Variants in GARS1 observed in about 807,000 individuals in gnomAD.
The protein encoded by GARS1 is glycine--tRNA ligase.
GARS1 carries 46 observed loss-of-function variants against 86.4 expected under a neutral mutation model. The ratio of observed to expected loss-of-function variants is 0.53; its 90% confidence interval spans 0.42 to 0.68. The LOEUF (loss-of-function observed/expected upper bound fraction) is 0.68, where lower values mean the gene tolerates loss of function less well. GARS1 is among the 30% of genes least tolerant of loss of function. The probability of loss-of-function intolerance (pLI) is 0.00; values close to 1 mark genes in which losing one functional copy is unlikely to be tolerated. For synonymous variants in GARS1, 342 were observed against 329.8 expected (o/e 1.04, Z -0.40); for missense variants, 797 against 915.6 (o/e 0.87, Z 1.67).
chr7:30,628,752 C>T, intron 14 of GARS1, 83 bp downstream of exon 14: 1 of 838,570 alleles, frequency 1.2e-6, no homozygotes, highest in Non-Finnish European at 2.0e-6. Context: ...ATTAATAAGA[C>T]TCTAGAATGG....
chr7:30,594,938 C>A lies in GARS1; in HGVS notation c.17C>A (p.Pro6Gln). 6.3e-7 allele frequency: 1 copy of A among 1,594,482 alleles called. No individual in the cohort carries two copies. Among genetic ancestry groups the A allele is most frequent in the Non-Finnish European group, 8.5e-7 (1 of 1,177,510 alleles). The change falls in exon 1 of 17, where the codon CCA (proline) becomes CAA (glutamine). Residue 6 changes from proline (P) to glutamine (Q), a missense_variant. By Grantham distance (76) the Pro-to-Gln change is moderately conservative. Coordinates refer to ENST00000389266, the MANE Select transcript of GARS1 (RefSeq NM_002047.4). ...CGCAGGCTCATGCCCTCTCCGCGTC[C>A]AGTGCTGCTTAGAGGTGCTCGCGCC... MPSPR[P>Q]VLLRGARAAL...
In GARS1 at chr7:30,609,523, A is replaced by G. The variant is rs947113285; in HGVS notation, c.736-62A>G. On this transcript the variant is annotated intron_variant, in intron 6 of 16. Coordinates refer to ENST00000389266, the MANE Select transcript of GARS1 (RefSeq NM_002047.4). ...GTGGATGGCTAGGGTTATATATAAT[A>G]CTTTATATCTTATGCCTTGTTTTCT... 1.3e-5 allele frequency: 18 copies of G among 1,404,338 alleles called. No homozygotes were observed. The African/African-American group carries it at 2.4e-4, about 19-fold the overall frequency. 87.0% of individuals were successfully genotyped at this position (1,404,338 alleles called of 1,614,324 possible).
At chr7:30,599,851 A>T in intron 2 of GARS1, 96 bp from the exon 3 acceptor site, 1 of 796,334 alleles carries the variant, frequency 1.3e-6, no homozygotes, top group Non-Finnish European at 2.1e-6. Flanking sequence ...TAAATTTTAT[A>T]TTTAATTCTG....
intron 8 of GARS1, among the ~76,000 whole-genome samples, chr7:30,613,015 C>T (rs1782801482): frequency 6.6e-6 from 1 of 152,030 alleles, no homozygotes; most frequent in Admixed American, 6.6e-5. Context: ...TTTCTAAGGC[C>T]CCAAAGTGTT....
At chr7:30,595,291 C>A in intron 1 of GARS1, 148 bp downstream of exon 1, 1 of 813,762 alleles carries the variant, frequency 1.2e-6, no homozygotes, top group Non-Finnish European at 2.0e-6. Context: ...TTCGCCTCCC[C>A]CACTTTGGTC....
In GARS1 at chr7:30,616,077, CTT is replaced by C; in HGVS notation, c.1194+20_1194+21del. ...TGAACAGGTAGGATTCTGGAGGTAA[CTT>C]AACTTAGATTGTGCCTGTTCAGGGT... On this transcript the variant is annotated intron_variant, in intron 9 of 16. Transcript: ENST00000389266. 3 of 1,613,950 alleles carry C rather than the reference CTT, an allele frequency of 1.9e-6. No homozygotes were observed. The highest frequency in any genetic ancestry group is 2.2e-5 in the South Asian group (2 of 91,080).
chr7:30,620,730 T>C (rs1461908677), intron 10 of GARS1, among the ~76,000 whole-genome samples: 2 of 152,250 alleles, frequency 1.3e-5, no homozygotes, highest in Non-Finnish European at 2.9e-5. Flanking sequence ...TACTGAGTTT[T>C]CTTTTGTTCA....
chr7:30,631,466 G>A lies in GARS1; in HGVS notation c.1828G>A (p.Val610Ile), dbSNP rs201432170. 45 of 1,613,180 alleles carry A rather than the reference G, an allele frequency of 2.8e-5. No homozygotes were observed. The highest frequency in any genetic ancestry group is 1.7e-5 in the Admixed American group (1 of 59,974). ...CATCCAGTTCTTCAGTTTCCCTGCTGTAGTTGCTCCATTCAAATGTTCCGT... is the reference window on the plus strand; with the variant it reads ...CATCCAGTTCTTCAGTTTCCCTGCTATAGTTGCTCCATTCAAATGTTCCGT... Reference protein sequence around the residue: ...EQRTFFSFPAVVAPFKCSVLP... With the variant: ...EQRTFFSFPAIVAPFKCSVLP... The change falls in exon 15 of 17, where the codon GTA becomes ATA. Residue 610 changes from valine (V) to isoleucine (I), a missense_variant. Val to Ile is a conservative substitution (Grantham distance 29). Transcript: ENST00000389266.
chr7:30,621,100 T>G (rs1782995938), intron 10 of GARS1, among the ~76,000 whole-genome samples: 1 of 151,228 alleles, frequency 6.6e-6, no homozygotes, highest in South Asian at 2.1e-4. Flanking sequence ...GTTGCCCAGA[T>G]TGGTCTCAAA....
chr7:30,625,966 G>A (rs980207219), intron 12 of GARS1, among the ~76,000 whole-genome samples: 1 of 152,164 alleles, frequency 6.6e-6, no homozygotes, highest in Admixed American at 6.5e-5. Context: ...AAAACCAAAG[G>A]AATTTGTCAT....
At chr7:30,619,801 A>G (rs1243441867) in intron 10 of GARS1, among the ~76,000 whole-genome samples, 7 of 135,018 alleles carry the variant, frequency 5.2e-5, no homozygotes, top group African/African-American at 2.0e-4. Context: ...TTTTTGAGAC[A>G]GAGTCTTACT....
Position 30,603,521 on chromosome 7 carries a change from T to A in GARS1, c.684T>A (p.Asp228Glu). ...CTCATTTACAGAAATTGATGTCTGATAAGAAGTGTTCTGTCGAAAAGAAAT... is the reference window on the plus strand; with the variant it reads ...CTCATTTACAGAAATTGATGTCTGAAAAGAAGTGTTCTGTCGAAAAGAAAT... ...LKAHLQKLMS[D>E]KKCSVEKKSE... Residue 228 changes from aspartate (D) to glutamate (E), a missense_variant, in exon 6 of 17, where the codon GAT becomes GAA. Physicochemically the swap from Asp to Glu is conservative, Grantham distance 45 (BLOSUM62 2). Around this residue, in one of 2 missense-constraint regions of GARS1, gnomAD observed 598 missense variants for 738.7 expected, o/e 0.81. Coordinates refer to ENST00000389266, the MANE Select transcript of GARS1 (RefSeq NM_002047.4). The A allele has an allele frequency of 6.2e-7, 1 of 1,613,902 alleles. No homozygotes were observed. Among genetic ancestry groups the A allele is most frequent in the Non-Finnish European group, 8.5e-7 (1 of 1,179,926 alleles).
chr7:30,610,887 A>T (rs1394085329), intron 7 of GARS1, among the ~76,000 whole-genome samples: 1 of 152,242 alleles, frequency 6.6e-6, no homozygotes, highest in Non-Finnish European at 1.5e-5. Context: ...AGTATAAAAT[A>T]GGTAATACAT....
At position 30,621,385 on chromosome 7, in the gene GARS1, C is replaced by G; in HGVS notation, c.1360-8C>G. 6.2e-7 allele frequency: 1 copy of G among 1,611,422 alleles called. No individual in the cohort carries two copies. The highest frequency in any genetic ancestry group is 8.5e-7 in the Non-Finnish European group (1 of 1,177,612). On this transcript the variant is annotated splice_region_variant and splice_polypyrimidine_tract_variant and intron_variant, in intron 10 of 16. Transcript: ENST00000389266. ...TAAGTAATGTTTTTATTGATTATATCTTTTTAGGGTTGGATTGAGATTGTT... is the reference window on the plus strand; with the variant it reads ...TAAGTAATGTTTTTATTGATTATATGTTTTTAGGGTTGGATTGAGATTGTT...
intron 10 of GARS1, 70 bp downstream of exon 10, chr7:30,617,348 T>A (rs1357925596): frequency 2.6e-6 from 4 of 1,527,938 alleles, no homozygotes; most frequent in Middle Eastern, 1.7e-4. Flanking sequence ...CAAATGAATT[T>A]TTGTGCACTT....
chr7:30,595,980 ACCT>A (rs1474542427), intron 1 of GARS1: 1 of 454,886 alleles, frequency 2.2e-6, no homozygotes, highest in Non-Finnish European at 4.5e-6. Context: ...TTTAATATAG[ACCT>A]CCTTTTCCTA....
At chr7:30,606,925 C>T (rs940421279) in intron 6 of GARS1, among the ~76,000 whole-genome samples, 69 of 152,130 alleles carry the variant, frequency 4.5e-4, no homozygotes, top group African/African-American at 1.6e-3. Context: ...TCTTAAATCT[C>T]TCTCCTTTAC....
At chr7:30,623,123 A>G (rs2128135286) in intron 12 of GARS1, among the ~76,000 whole-genome samples, 1 of 151,714 alleles carries the variant, frequency 6.6e-6, no homozygotes, top group South Asian at 2.1e-4. Flanking sequence ...ACAAAAAAAA[A>G]AAATAGAGAA....
intron 6 of GARS1, among the ~76,000 whole-genome samples, chr7:30,604,159 T>C (rs1278334820): frequency 1.3e-5 from 2 of 152,180 alleles, no homozygotes; most frequent in East Asian, 3.8e-4. Context: ...CTTTCTATAT[T>C]AGAAGTAGTT....
Sources: gnomAD v4.1 joint callset for allele counts (sites outside exome capture counted in the v4.1 genomes callset) on GRCh38, gnomAD v4.1.1 for gene constraint, gnomAD v4.1.1 regional missense constraint, MANE v1.5 for transcripts, NCBI Gene and HGNC (gene_info 2026-07-23, HGNC 2026-07-21) for gene names.